Variants in CATSPERD observed in about 807,000 individuals in gnomAD.
The protein encoded by CATSPERD is cation channel sperm-associated auxiliary subunit delta.
A neutral mutation model predicts 98.1 loss-of-function variants in CATSPERD; 86 were observed. The observed-to-expected ratio is 0.88, with a 90% CI of 0.74 to 1.05. The LOEUF (loss-of-function observed/expected upper bound fraction) is 1.05, where lower values mean the gene tolerates loss of function less well. Ranked by LOEUF, CATSPERD falls within the 50% of genes least tolerant of loss-of-function variation. The pLI is 0.00. For missense variants in CATSPERD, 995 were observed against 1,005.7 expected, an observed-to-expected ratio of 0.99 and a Z score of 0.14; for synonymous variants, 394 against 390.2, an observed-to-expected ratio of 1.01 and a Z score of -0.12.
chr19:5,763,352 A>C, intron 16 of CATSPERD, 59 bp downstream of exon 16: 1 of 1,418,948 alleles, frequency 7.0e-7, no homozygotes, highest in South Asian at 1.2e-5. Flanking sequence ...GACTCATGGA[A>C]GCTGGCCCTG....
In CATSPERD at chr19:5,724,858, A is replaced by G. The variant is rs200100787; in HGVS notation, c.122A>G (p.Gln41Arg). The G allele has an allele frequency of 2.2e-5, 35 of 1,613,958 alleles. No homozygotes were observed. In the African/African-American group the frequency reaches 4.5e-4, roughly 21 times the overall value. The change falls in exon 2 of 22, where the codon CAA (glutamine) becomes CGA (arginine). Residue 41 changes from glutamine (Q) to arginine (R), a missense_variant. By Grantham distance (43) the Gln-to-Arg change is conservative. Around this residue, in one of 3 missense-constraint regions of CATSPERD, gnomAD observed 228 missense variants for 209.6 expected, o/e 1.09. Transcript: ENST00000381624. The part of the protein sequence containing the change: ...GKVFNLIQDV[Q>R]GDRLYFHPTT... ...GTGTTTAATCTGATACAGGACGTTC[A>G]AGGGGTATGTGGCTCCATGCTTAAA...
intron 19 of CATSPERD, among the ~76,000 whole-genome samples, chr19:5,771,574 C>A (rs939097538): frequency 1.3e-5 from 2 of 150,842 alleles, no homozygotes; most frequent in Non-Finnish European, 2.9e-5. Context: ...CTCCTGCTGT[C>A]TTCCTGTTCT....
chr19:5,734,298 T>C (rs1319202837), intron 5 of CATSPERD, among the ~76,000 whole-genome samples: 2 of 151,998 alleles, frequency 1.3e-5, no homozygotes, highest in Non-Finnish European at 2.9e-5. Flanking sequence ...AGGTCAGGAG[T>C]TCGAGACCAG....
At chr19:5,742,296 A>C (rs1485843843) in intron 7 of CATSPERD, among the ~76,000 whole-genome samples, 1 of 97,346 alleles carries the variant, frequency 1.0e-5, no homozygotes, top group African/African-American at 3.8e-5. Flanking sequence ...GTGCGTGTGT[A>C]CGTATGTGAA....
At position 5,748,167 on chromosome 19, in the gene CATSPERD, C is replaced by A; in HGVS notation, c.816C>A (p.Leu272=). 1 of 1,613,722 alleles carries A rather than the reference C, an allele frequency of 6.2e-7. No homozygotes were observed. Among genetic ancestry groups the A allele is most frequent in the Non-Finnish European group, 8.5e-7 (1 of 1,179,812 alleles). ...TGTCCTGTTACCTCCTAGGTCAGCTCGTCGACACCGTCCGGGTGAAAAAAG... is the reference window on the plus strand; with the variant it reads ...TGTCCTGTTACCTCCTAGGTCAGCTAGTCGACACCGTCCGGGTGAAAAAAG... The part of the protein sequence containing the change: ...SLLFSHNAGQ[L]VDTVRVKKGD... The change falls in exon 10 of 22, where the codon CTC becomes CTA. Residue 272 remains leucine, a synonymous_variant. Transcript: ENST00000381624.
At chr19:5,770,720 G>A (rs117101476) in intron 18 of CATSPERD, among the ~76,000 whole-genome samples, 3,097 of 152,226 alleles carry the variant, frequency 0.02, 47 homozygotes, top group Middle Eastern at 0.031. Context: ...GGTGGAGGTT[G>A]CAGTGAGTCA....
At chr19:5,733,353 T>TTCCTTCCC (rs1314798142) in intron 4 of CATSPERD, among the ~76,000 whole-genome samples, 1 of 142,220 alleles carries the variant, frequency 7.0e-6, no homozygotes, top group Non-Finnish European at 1.6e-5. Context: ...TCTTTCTTCC[T>TTCCTTCCC]TCCTTCCCTC....
chr19:5,738,546 C>CA (rs1023205182), intron 6 of CATSPERD, among the ~76,000 whole-genome samples: 1 of 151,842 alleles, frequency 6.6e-6, no homozygotes, highest in Non-Finnish European at 1.5e-5. Flanking sequence ...AAAAACAAAC[C>CA]AAAAAACAAA....
chr19:5,761,444 G>GCTGGCTGGCTGC (rs900419000), intron 15 of CATSPERD, among the ~76,000 whole-genome samples: 2 of 9,828 alleles, frequency 2.0e-4, no homozygotes, highest in Non-Finnish European at 3.4e-4. Context: ...TGGATGGATG[G>GCTGGCTGGCTGC]CTGGCTGGCT....
chr19:5,730,404 G>A (rs553065125), intron 4 of CATSPERD, among the ~76,000 whole-genome samples: 57 of 151,938 alleles, frequency 3.8e-4, no homozygotes, highest in Non-Finnish European at 2.1e-4. Flanking sequence ...TTACCCGGGC[G>A]TGGTGGCACG....
chr19:5,770,944 G>A lies in CATSPERD; in HGVS notation c.1635G>A (p.Lys545=), dbSNP rs1253312989. Reference sequence around the variant, plus strand: ...ATCTCTGCTTCTTGGTGTCTTGAAGGGAATTCTACGACCCCGGCTTCCAGG... The same window carrying A: ...ATCTCTGCTTCTTGGTGTCTTGAAGAGAATTCTACGACCCCGGCTTCCAGG... ...LQDNYSFIIE[K]EFYDPGFQGQ... is the part of the protein sequence containing the mutation. Residue 545 remains lysine, a splice_region_variant and synonymous_variant, in exon 19 of 22, where the codon AAG becomes AAA. Transcript: ENST00000381624. 1.2e-6 allele frequency: 2 copies of A among 1,604,914 alleles called. No homozygotes were observed. Among genetic ancestry groups the A allele is most frequent in the Non-Finnish European group, 1.7e-6 (2 of 1,176,072 alleles).
chr19:5,729,919 C>T lies in CATSPERD; in HGVS notation c.251C>T (p.Pro84Leu). 6.3e-7 allele frequency: 1 copy of T among 1,595,990 alleles called. No individual in the cohort carries two copies. Among genetic ancestry groups the T allele is most frequent in the Non-Finnish European group, 8.6e-7 (1 of 1,166,816 alleles). Residue 84 changes from proline (P) to leucine (L), a missense_variant, in exon 4 of 22, where the codon CCA becomes CTA. By Grantham distance (98) the Pro-to-Leu change is moderately conservative. Coordinates refer to ENST00000381624, the MANE Select transcript of CATSPERD (RefSeq NM_152784.4). ...TMDNFETSLLPFTIPTSMQVG... is the reference protein window; with the variant it reads ...TMDNFETSLLLFTIPTSMQVG... Reference sequence around the variant, plus strand: ...GATAACTTTGAGACTAGTCTCCTTCCATTTACCATCCCTACATCAATGCAG... The same window carrying T: ...GATAACTTTGAGACTAGTCTCCTTCTATTTACCATCCCTACATCAATGCAG...
chr19:5,769,199 G>A (rs935753341), intron 18 of CATSPERD, among the ~76,000 whole-genome samples: 3 of 150,662 alleles, frequency 2.0e-5, no homozygotes, highest in Non-Finnish European at 4.4e-5. Context: ...GCTGGGTGCA[G>A]TGGCTCACAC....
In CATSPERD at chr19:5,767,224, G is replaced by A. The variant is rs148360194; in HGVS notation, c.1560-944G>A. 4.2e-3 allele frequency among the ~76,000 whole-genome samples: 615 copies of A among 146,514 alleles called. 9 individuals carry two copies. Among genetic ancestry groups the A allele is most frequent in the African/African-American group, 0.015 (588 of 39,714 alleles). ...CCCAGCTACTCGGGAGGCTGAGGCA[G>A]GAGAATGGCGTGAACCCAGGAGGCG... On this transcript the variant is annotated intron_variant, in intron 17 of 21. Coordinates refer to ENST00000381624, the MANE Select transcript of CATSPERD (RefSeq NM_152784.4).
intron 4 of CATSPERD, among the ~76,000 whole-genome samples, chr19:5,732,455 C>T (rs190196759): frequency 2.6e-4 from 33 of 128,628 alleles, no homozygotes; most frequent in Middle Eastern, 3.9e-3. Context: ...TTTTTTGAGA[C>T]GGAGTCTCAC....
At chr19:5,731,186 A>G (rs1348498890) in intron 4 of CATSPERD, among the ~76,000 whole-genome samples, 1 of 152,022 alleles carries the variant, frequency 6.6e-6, no homozygotes, top group African/African-American at 2.4e-5. Context: ...ACCTATGCTA[A>G]ATAAAGTTTT....
intron 18 of CATSPERD, 98 bp from the exon 19 acceptor site, chr19:5,770,846 C>A: frequency 7.0e-7 from 1 of 1,428,210 alleles, no homozygotes; most frequent in Non-Finnish European, 9.5e-7. Flanking sequence ...CTCTCATGGA[C>A]GATCCCCATT....
intron 6 of CATSPERD, among the ~76,000 whole-genome samples, chr19:5,737,844 C>G (rs2055879209): frequency 1.3e-5 from 2 of 148,616 alleles, no homozygotes; most frequent in African/African-American, 2.5e-5. Flanking sequence ...GAGTGAAACT[C>G]CATCTCAAAA....
chr19:5,756,572 C>T (rs1279056532), intron 13 of CATSPERD, among the ~76,000 whole-genome samples: 1 of 152,090 alleles, frequency 6.6e-6, no homozygotes, highest in African/African-American at 2.4e-5. Context: ...GTTTTGTTCT[C>T]CTTTTAGTAT....
Sources: gnomAD v4.1 joint callset for allele counts (sites outside exome capture counted in the v4.1 genomes callset) on GRCh38, gnomAD v4.1.1 for gene constraint, gnomAD v4.1.1 regional missense constraint, MANE v1.5 for transcripts, NCBI Gene and HGNC (gene_info 2026-07-23, HGNC 2026-07-21) for gene names.